Variants in RIMOC1 observed in about 807,000 individuals in gnomAD.
The protein encoded by RIMOC1 is RAB7A interacting MON1-CCZ1 complex subunit 1.
the RIMOC1 span, among the ~76,000 whole-genome samples, chr5:41,909,140 A>G: frequency 6.6e-5 from 10 of 152,300 alleles, no homozygotes; most frequent in East Asian, 7.7e-4. Flanking sequence ...AACTGACCCT[A>G]GAACCCAGTT....
chr5:41,904,395 A>G, the RIMOC1 span: 1 of 1,613,894 alleles, frequency 6.2e-7, no homozygotes, highest in Non-Finnish European at 8.5e-7. Flanking sequence ...TAGTGTGGTG[A>G]GACGAGTGGA....
chr5:41,915,130 C>G, the RIMOC1 span, among the ~76,000 whole-genome samples: 2 of 152,146 alleles, frequency 1.3e-5, no homozygotes, highest in Non-Finnish European at 2.9e-5. Flanking sequence ...GCCCTTGTAT[C>G]TCACCTCTGA....
At chr5:41,917,045 A>G in the RIMOC1 span, 3 of 1,607,362 alleles carry the variant, frequency 1.9e-6, no homozygotes, top group African/African-American at 1.3e-5. Context: ...TCTGCTGGCT[A>G]TGATGTACAG....
the RIMOC1 span, chr5:41,912,303 ATAAG>A: frequency 1.6e-6 from 1 of 630,292 alleles, no homozygotes; most frequent in Non-Finnish European, 2.8e-6. Flanking sequence ...CAAAAAAGTA[ATAAG>A]TAATAAAGGG....
the RIMOC1 span, chr5:41,917,596 TTAC>T: frequency 1.8e-4 from 167 of 903,908 alleles, no homozygotes; most frequent in African/African-American, 3.9e-3. Context: ...ATTTTTTCTA[TTAC>T]TTTTTTTTTT....
chr5:41,913,766 A>G, the RIMOC1 span, among the ~76,000 whole-genome samples: 2 of 152,206 alleles, frequency 1.3e-5, no homozygotes, highest in Admixed American at 6.5e-5. Flanking sequence ...AAGTGACCTG[A>G]TGGCCAAAAA....
the RIMOC1 span, chr5:41,918,072 G>A: frequency 6.1e-6 from 6 of 984,988 alleles, no homozygotes; most frequent in Non-Finnish European, 7.2e-6. Context: ...TTTAATAATA[G>A]GGGTGAGTGT....
the RIMOC1 span, chr5:41,908,532 T>C: frequency 1.3e-5 from 2 of 152,192 alleles, no homozygotes; most frequent in African/African-American, 4.8e-5. Flanking sequence ...TGCCCATTTA[T>C]AGCATTTAAA....
At chr5:41,908,428 T>TA in the RIMOC1 span, 1 of 152,188 alleles carries the variant, frequency 6.6e-6, no homozygotes, top group African/African-American at 2.4e-5. Context: ...TTGTAGTTGA[T>TA]AGAGTGTTTT....
At chr5:41,916,058 A>G in the RIMOC1 span, among the ~76,000 whole-genome samples, 1 of 152,226 alleles carries the variant, frequency 6.6e-6, no homozygotes, top group African/African-American at 2.4e-5. Flanking sequence ...AGACATTGTG[A>G]TGCTCATTTA....
chr5:41,904,585 G>A, the RIMOC1 span: 1 of 887,720 alleles, frequency 1.1e-6, no homozygotes, highest in Non-Finnish European at 1.8e-6. Flanking sequence ...GGCCGCAGGT[G>A]GTTACCCGAG....
chr5:41,912,216 T>C, the RIMOC1 span: 26 of 1,256,460 alleles, frequency 2.1e-5, no homozygotes, highest in Non-Finnish European at 3.0e-5. Context: ...TTTCTAAGTG[T>C]TTTAAAGCTT....
At chr5:41,910,745 C>T in the RIMOC1 span, among the ~76,000 whole-genome samples, 2 of 151,894 alleles carry the variant, frequency 1.3e-5, no homozygotes, top group African/African-American at 2.4e-5. Flanking sequence ...TGAAAAGTTA[C>T]CTTTTTAATG....
chr5:41,913,914 T>C, the RIMOC1 span, among the ~76,000 whole-genome samples: 4 of 152,244 alleles, frequency 2.6e-5, no homozygotes, highest in Non-Finnish European at 5.9e-5. Flanking sequence ...ATACTAGTTA[T>C]TAGTTATTTC....
At chr5:41,914,456 CAAACA>C in the RIMOC1 span, among the ~76,000 whole-genome samples, 63,131 of 146,300 alleles carry the variant, frequency 0.43, 14,363 homozygotes, top group Non-Finnish European at 0.52. Context: ...GACTCTGTCT[CAAACA>C]AAACAAAACA....
the RIMOC1 span, among the ~76,000 whole-genome samples, chr5:41,910,469 G>T: frequency 6.6e-6 from 1 of 151,680 alleles, no homozygotes; most frequent in Non-Finnish European, 1.5e-5. Flanking sequence ...TCTCTATTTG[G>T]ATAATCCTAT....
the RIMOC1 span, chr5:41,912,037 C>T: frequency 1.6e-6 from 2 of 1,251,752 alleles, no homozygotes; most frequent in East Asian, 4.7e-5. Flanking sequence ...GCATATAATA[C>T]TTTCAATTCT....
the RIMOC1 span, among the ~76,000 whole-genome samples, chr5:41,916,079 T>A: frequency 6.6e-6 from 1 of 152,254 alleles, no homozygotes; most frequent in East Asian, 1.9e-4. Flanking sequence ...TTTGAAGTAA[T>A]CTTTTCTAAT....
the RIMOC1 span, chr5:41,911,993 G>A: frequency 1.1e-6 from 1 of 920,298 alleles, no homozygotes; most frequent in Non-Finnish European, 1.8e-6. Context: ...AGTAAAGAAT[G>A]GAAAATATTA....
Sources: allele counts gnomAD v4.1 joint callset (sites outside exome capture counted in the v4.1 genomes callset), GRCh38; gene constraint gnomAD v4.1.1; transcripts MANE v1.5; gene names NCBI Gene and HGNC (gene_info 2026-07-23, HGNC 2026-07-21).